The following SPAG16 variants were observed in gnomAD, a reference collection of about 807,000 sequenced individuals.
SPAG16 encodes sperm associated antigen 16, also known as sperm-associated antigen 16 protein.
Under a neutral mutation model 80.4 loss-of-function variants are expected in SPAG16, and 86 were observed. The ratio of observed to expected loss-of-function variants is 1.07; its 90% CI spans 0.90 to 1.28. SPAG16 has a LOEUF of 1.28. SPAG16 is among the 50% of genes most tolerant of loss of function. The probability of loss-of-function intolerance (pLI) is 0.00; values close to 1 mark genes in which losing one functional copy is unlikely to be tolerated. For synonymous variants in SPAG16, 294 were observed against 265.9 expected (o/e 1.11, Z -1.03); for missense variants, 870 against 765.3 (o/e 1.14, Z -1.61).
At chr2:213,886,746 A>T (rs2076571043) in intron 11 of SPAG16, among the ~76,000 whole-genome samples, 1 of 152,160 alleles carries the variant, frequency 6.6e-6, no homozygotes, top group Non-Finnish European at 1.5e-5. Flanking sequence ...TTATGAAAAA[A>T]AAAACTTGGA....
intron 11 of SPAG16, among the ~76,000 whole-genome samples, chr2:213,925,808 C>T (rs1364532462): frequency 6.6e-6 from 1 of 152,176 alleles, no homozygotes; most frequent in Non-Finnish European, 1.5e-5. Flanking sequence ...TAGTGAAGAT[C>T]AAATATATAT....
intron 13 of SPAG16, among the ~76,000 whole-genome samples, chr2:214,102,466 C>A (rs2053118506): frequency 6.6e-6 from 1 of 151,912 alleles, no homozygotes; most frequent in East Asian, 1.9e-4. Context: ...ATTGTAAGGT[C>A]CCGAATGGCA....
intron 13 of SPAG16, among the ~76,000 whole-genome samples, chr2:214,090,392 A>C (rs563704189): frequency 2.2e-4 from 34 of 151,900 alleles, no homozygotes; most frequent in Non-Finnish European, 4.3e-4. Context: ...AGCAACCACT[A>C]CCGGAAAATA....
intron 9 of SPAG16, among the ~76,000 whole-genome samples, chr2:213,420,806 T>C (rs895568970): frequency 6.6e-6 from 1 of 152,232 alleles, no homozygotes; most frequent in Non-Finnish European, 1.5e-5. Context: ...TTAATCACTC[T>C]TTTGCATTCC....
At chr2:213,828,208 T>A (rs1462457769) in intron 10 of SPAG16, among the ~76,000 whole-genome samples, 2 of 152,142 alleles carry the variant, frequency 1.3e-5, no homozygotes, top group African/African-American at 4.8e-5. Context: ...TATTCTTTTT[T>A]ATTCTTTCTT....
intron 14 of SPAG16, among the ~76,000 whole-genome samples, chr2:214,142,045 C>T (rs549974671): frequency 1.1e-4 from 16 of 152,140 alleles, no homozygotes; most frequent in African/African-American, 3.9e-4. Flanking sequence ...CCACCCCCAC[C>T]CTCAAGTCTC....
chr2:214,154,276 C>T (rs2056113377), intron 15 of SPAG16, among the ~76,000 whole-genome samples: 2 of 152,116 alleles, frequency 1.3e-5, no homozygotes, highest in Admixed American at 6.6e-5. Context: ...CTTTGTAAAA[C>T]TAATTCCAGG....
intron 9 of SPAG16, among the ~76,000 whole-genome samples, chr2:213,474,341 T>C (rs927909520): frequency 1.2e-4 from 19 of 152,146 alleles, no homozygotes; most frequent in African/African-American, 4.3e-4. Flanking sequence ...AGGAGATAGG[T>C]CTCTCAGGGA....
chr2:214,077,554 C>T (rs919288609), intron 13 of SPAG16, among the ~76,000 whole-genome samples: 6 of 152,224 alleles, frequency 3.9e-5, no homozygotes, highest in African/African-American at 1.2e-4. Flanking sequence ...AGTCACTTGT[C>T]CTGAGAGTGC....
intron 15 of SPAG16, among the ~76,000 whole-genome samples, chr2:214,182,627 C>T (rs1378696049): frequency 6.6e-6 from 1 of 151,664 alleles, no homozygotes; most frequent in East Asian, 1.9e-4. Flanking sequence ...ATGGCTGTTA[C>T]CTGATGAGTA....
intron 9 of SPAG16, among the ~76,000 whole-genome samples, chr2:213,424,125 T>A (rs1365796905): frequency 6.6e-6 from 1 of 152,074 alleles, no homozygotes. Flanking sequence ...GGGAAATAAG[T>A]GTAGTCAGGA....
intron 9 of SPAG16, among the ~76,000 whole-genome samples, chr2:213,419,914 G>A (rs1308952741): frequency 2.6e-5 from 4 of 152,152 alleles, no homozygotes; most frequent in Admixed American, 2.0e-4. Flanking sequence ...GATGCATTAT[G>A]GGTACCAGTT....
intron 10 of SPAG16, among the ~76,000 whole-genome samples, chr2:213,559,362 G>A (rs116307753): frequency 0.018 from 2,686 of 152,180 alleles, 67 homozygotes; most frequent in African/African-American, 0.05. Flanking sequence ...TACAATTATT[G>A]TCACGAGCAT....
At chr2:214,221,309 C>G (rs6738790) in intron 15 of SPAG16, among the ~76,000 whole-genome samples, 53,471 of 151,762 alleles carry the variant, frequency 0.35, 10,982 homozygotes, top group African/African-American at 0.58. Context: ...TTCTTTGTAA[C>G]TTATCTTATT....
chr2:214,239,635 G>A (rs1357060500), intron 15 of SPAG16: 1 of 152,062 alleles, frequency 6.6e-6, no homozygotes, highest in Non-Finnish European at 1.5e-5. Context: ...TCAGTTTGCA[G>A]CCTACCATGC....
chr2:214,166,166 A>T (rs1440884582), intron 15 of SPAG16, among the ~76,000 whole-genome samples: 1 of 152,178 alleles, frequency 6.6e-6, no homozygotes, highest in African/African-American at 2.4e-5. Context: ...CAGTGGAAAA[A>T]TGGGATATAG....
rs3043764 is a variant in SPAG16, at chr2:214,149,096, T to TATAC, written c.1594-43_1594-42insTACA. On this transcript the variant is annotated intron_variant, in intron 14 of 15. Transcript: ENST00000331683. ...GTGTGTGTATATATATATATATATA[T>TATAC]ACATACATACACATTTTATTTTTGT... The TATAC allele has an allele frequency of 1.9e-4, 142 of 750,284 alleles. 1 individual carries two copies. The highest frequency in any genetic ancestry group is 5.2e-4 in the Admixed American group (17 of 32,472). 46.5% of individuals were successfully genotyped at this position (750,284 alleles called of 1,614,324 possible). A position where few individuals can be genotyped will look rare whatever the true frequency, so the allele number is the denominator to read the frequency against.
chr2:213,428,001 A>C (rs16850329), intron 9 of SPAG16, among the ~76,000 whole-genome samples: 9,143 of 152,296 alleles, frequency 0.06, 912 homozygotes, highest in African/African-American at 0.21. Flanking sequence ...GTAGTTAAAC[A>C]CATCATCAAC....
chr2:214,267,231 C>G (rs982180515), intron 15 of SPAG16, among the ~76,000 whole-genome samples: 2 of 151,770 alleles, frequency 1.3e-5, no homozygotes, highest in African/African-American at 4.8e-5. Context: ...CACTATACTA[C>G]TGGATTTCAA....
Sources: gnomAD v4.1 joint callset for allele counts (sites outside exome capture counted in the v4.1 genomes callset) on GRCh38, gnomAD v4.1.1 for gene constraint, MANE v1.5 for transcripts, NCBI Gene and HGNC (gene_info 2026-07-23, HGNC 2026-07-21) for gene names.